Variants in AKAP6 observed in about 807,000 individuals in gnomAD.
AKAP6 encodes A-kinase anchoring protein 6, also known as A-kinase anchor protein 6.
In AKAP6, 58 loss-of-function variants were observed where a neutral mutation model predicts 188.5. The observed-to-expected ratio is 0.31, with a 90% CI of 0.25 to 0.38. The LOEUF (loss-of-function observed/expected upper bound fraction) is 0.38. AKAP6 is among the 10% of genes least tolerant of loss of function. The pLI, the probability that AKAP6 is intolerant of heterozygous loss-of-function variation, is 1.00. For synonymous variants in AKAP6, 989 were observed against 998.6 expected (o/e 0.99, Z 0.18); for missense variants, 2,710 against 2,740.0 (o/e 0.99, Z 0.24).
intron 8 of AKAP6, among the ~76,000 whole-genome samples, chr14:32,693,099 G>T (rs941565934): frequency 2.0e-5 from 3 of 152,154 alleles, no homozygotes; most frequent in Admixed American, 1.3e-4. Flanking sequence ...GTGCAGTGGA[G>T]TCCCCTGGCT....
chr14:32,583,310 C>A (rs531495941), intron 5 of AKAP6, among the ~76,000 whole-genome samples: 4 of 152,096 alleles, frequency 2.6e-5, no homozygotes, highest in Non-Finnish European at 5.9e-5. Context: ...AGCGGATTTT[C>A]GTGAACCGCG....
intron 12 of AKAP6, among the ~76,000 whole-genome samples, chr14:32,811,055 T>C (rs960744346): frequency 1.3e-5 from 2 of 151,740 alleles, no homozygotes; most frequent in East Asian, 1.9e-4. Context: ...CTGGCTAACA[T>C]GGAGAAACCC....
intron 1 of AKAP6, among the ~76,000 whole-genome samples, chr14:32,355,977 C>A (rs1285159195): frequency 1.3e-5 from 2 of 151,986 alleles, no homozygotes; most frequent in Admixed American, 6.6e-5. Context: ...CGGGGTTTCA[C>A]CATGTTGCCC....
chr14:32,719,407 T>G (rs1340565802), intron 9 of AKAP6, among the ~76,000 whole-genome samples: 1 of 152,206 alleles, frequency 6.6e-6, no homozygotes, highest in Non-Finnish European at 1.5e-5. Context: ...AGCCTTTATT[T>G]AGGCAACTGA....
chr14:32,749,262 A>G (rs1167185254), intron 11 of AKAP6, among the ~76,000 whole-genome samples: 1 of 152,138 alleles, frequency 6.6e-6, no homozygotes. Context: ...GTGATTCTGT[A>G]AGAGCTACCT....
chr14:32,600,631 C>A lies in AKAP6; in HGVS notation c.2569C>A (p.Leu857Met). ...LELIASHKAG[L>M]KDMLRMIASQ... is the part of the protein sequence containing the mutation. ...GCTTTCCCCTCCTTTTGGAGAAGGA[C>A]TGAAGGACATGCTGCGGATGATTGC... The change falls in exon 7 of 14, where the codon CTG becomes ATG. Residue 857 changes from leucine (L) to methionine (M), a missense_variant and splice_region_variant. This residue lies in a region of AKAP6 where 2,473 missense variants were observed against 2,426.1 expected (regional missense o/e 1.02). Transcript: ENST00000280979. 1 of 1,610,642 alleles carries A rather than the reference C, an allele frequency of 6.2e-7. No individual in the cohort carries two copies. The highest frequency in any genetic ancestry group is 8.5e-7 in the Non-Finnish European group (1 of 1,178,286).
At chr14:32,479,247 A>G (rs1429077123) in intron 2 of AKAP6, among the ~76,000 whole-genome samples, 1 of 152,224 alleles carries the variant, frequency 6.6e-6, no homozygotes, top group Admixed American at 6.5e-5. Context: ...TACACCAAGT[A>G]AACATCGACT....
chr14:32,518,030 G>A (rs972441917), intron 2 of AKAP6, among the ~76,000 whole-genome samples: 18 of 152,276 alleles, frequency 1.2e-4, no homozygotes, highest in Admixed American at 5.9e-4. Flanking sequence ...AACATTTACC[G>A]TTCTGCAACA....
chr14:32,587,840 C>T (rs1296055676), intron 5 of AKAP6, among the ~76,000 whole-genome samples: 1 of 152,076 alleles, frequency 6.6e-6, no homozygotes, highest in Non-Finnish European at 1.5e-5. Flanking sequence ...TGGAGCAGGA[C>T]CAAGACCCTA....
At chr14:32,545,142 G>A (rs1594728916) in intron 3 of AKAP6, 88 bp from the exon 4 acceptor site, 2 of 1,280,054 alleles carry the variant, frequency 1.6e-6, no homozygotes, top group African/African-American at 1.5e-5. Context: ...GACCTTTATA[G>A]TGCCCTGTAC....
rs544997334 is a variant in AKAP6 at position 32,769,037 on chromosome 14, ATTTTTTTTTT to A, written c.3373-4623_3373-4614del. ...ACTAGGGGATGCAGCTGCTCTTTTG[ATTTTTTTTTT>A]TTTTTTTTTTTTTTTTTGAGACAGA... On this transcript the variant is annotated intron_variant, in intron 11 of 13. Transcript: ENST00000280979. 5.3e-3 allele frequency among the ~76,000 whole-genome samples: 301 copies of A among 56,928 alleles called. 4 individuals carry two copies. Among genetic ancestry groups the A allele is most frequent in the African/African-American group, 0.019 (270 of 14,056 alleles). The allele number at this position is 56,928 out of a possible 152,430, so 37.3% of individuals were successfully genotyped here. A position where few individuals can be genotyped will look rare whatever the true frequency, so the allele number is the denominator to read the frequency against.
chr14:32,530,938 G>GT (rs1227253798), intron 2 of AKAP6, among the ~76,000 whole-genome samples: 1 of 152,168 alleles, frequency 6.6e-6, no homozygotes, highest in Non-Finnish European at 1.5e-5. Context: ...GCCAACTAGA[G>GT]TTTATTTGTA....
intron 4 of AKAP6, among the ~76,000 whole-genome samples, chr14:32,560,595 A>C (rs1289879559): frequency 6.6e-6 from 1 of 152,258 alleles, no homozygotes; most frequent in Admixed American, 6.5e-5. Context: ...TGGAAAGGTT[A>C]TGATGCAATA....
At chr14:32,716,559 C>T (rs1021913504) in intron 9 of AKAP6, among the ~76,000 whole-genome samples, 1 of 148,860 alleles carries the variant, frequency 6.7e-6, no homozygotes, top group Non-Finnish European at 1.5e-5. Context: ...TATGTACTCT[C>T]TCTAAATATG....
At chr14:32,769,422 G>A (rs1430126851) in intron 11 of AKAP6, among the ~76,000 whole-genome samples, 1 of 152,022 alleles carries the variant, frequency 6.6e-6, no homozygotes, top group African/African-American at 2.4e-5. Context: ...TAGATTGAAG[G>A]CAGGTACATT....
At chr14:32,682,599 T>C (rs11156755) in intron 8 of AKAP6, among the ~76,000 whole-genome samples, 41,601 of 151,992 alleles carry the variant, frequency 0.27, 6,247 homozygotes, top group South Asian at 0.39. Flanking sequence ...AGAGGAGGTG[T>C]GGAAAATAAG....
chr14:32,513,725 A>T (rs184426109), intron 2 of AKAP6, among the ~76,000 whole-genome samples: 5 of 152,328 alleles, frequency 3.3e-5, no homozygotes, highest in Admixed American at 2.0e-4. Flanking sequence ...AATTTTAAAC[A>T]TACAGATAAA....
intron 11 of AKAP6, among the ~76,000 whole-genome samples, chr14:32,756,362 C>A (rs993465168): frequency 2.0e-5 from 3 of 151,924 alleles, no homozygotes; most frequent in African/African-American, 7.2e-5. Flanking sequence ...TGGAGGTGGA[C>A]CTGGCTTCTG....
chr14:32,401,641 G>A (rs142048926), intron 1 of AKAP6, among the ~76,000 whole-genome samples: 37 of 152,236 alleles, frequency 2.4e-4, no homozygotes, highest in African/African-American at 5.5e-4. Context: ...ACAGGAAGTC[G>A]TCTTCCTTAT....
Sources: gnomAD v4.1 joint callset for allele counts (sites outside exome capture counted in the v4.1 genomes callset) on GRCh38, gnomAD v4.1.1 for gene constraint, gnomAD v4.1.1 regional missense constraint, MANE v1.5 for transcripts, NCBI Gene and HGNC (gene_info 2026-07-23, HGNC 2026-07-21) for gene names.